Variants in GABRG3 observed in about 807,000 individuals in gnomAD.
GABRG3 encodes gamma-aminobutyric acid receptor subunit gamma-3.
In GABRG3, 25 loss-of-function variants were observed where a neutral mutation model predicts 48.8. The observed-to-expected ratio is 0.51, with a 90% CI of 0.37 to 0.72. The LOEUF is 0.72. Ranked by LOEUF, GABRG3 falls within the 30% of genes least tolerant of loss-of-function variation. The pLI is 0.00. For missense variants in GABRG3, 394 were observed against 577.9 expected (o/e 0.68, Z 3.26); for synonymous variants, 227 against 217.6 (o/e 1.04, Z -0.38).
rs531493501 is a variant in GABRG3 at position 27,434,170 on chromosome 15, G to A, written c.575-46480G>A. Among the ~76,000 whole-genome samples, 20 of 152,270 alleles carry A rather than the reference G, an allele frequency of 1.3e-4. No individual in the cohort carries two copies. The South Asian group carries it at 3.9e-3, about 30-fold the overall frequency. On this transcript the variant is annotated intron_variant, in intron 5 of 9. Coordinates refer to ENST00000615808, the MANE Select transcript of GABRG3 (RefSeq NM_033223.5). ...CTGGAGTGACACTATATTCACACAC[G>A]TTATAAGTGGCCCAGAATAATGCAC...
intron 3 of GABRG3, among the ~76,000 whole-genome samples, chr15:27,209,836 G>A (rs1301019646): frequency 1.3e-5 from 2 of 152,344 alleles, no homozygotes; most frequent in Admixed American, 1.3e-4. Flanking sequence ...CCAGGTTGGT[G>A]TCTTCTGAGA....
intron 5 of GABRG3, among the ~76,000 whole-genome samples, chr15:27,357,239 C>G (rs1293877104): frequency 6.6e-6 from 1 of 152,168 alleles, no homozygotes. Context: ...GCCAGTGGAA[C>G]CATTCCTAGT....
intron 5 of GABRG3, among the ~76,000 whole-genome samples, chr15:27,472,244 G>T (rs1266264284): frequency 6.6e-6 from 1 of 151,764 alleles, no homozygotes; most frequent in African/African-American, 2.4e-5. Flanking sequence ...ATTCCTTTCT[G>T]TCTTCTGGAT....
At chr15:27,402,666 C>A (rs1887508636) in intron 5 of GABRG3, among the ~76,000 whole-genome samples, 1 of 152,192 alleles carries the variant, frequency 6.6e-6, no homozygotes, top group African/African-American at 2.4e-5. Context: ...CTCCTAGTTA[C>A]CCAGAATGAA....
At chr15:27,263,919 C>CT (rs1185167030) in intron 3 of GABRG3, among the ~76,000 whole-genome samples, 3 of 86,088 alleles carry the variant, frequency 3.5e-5, no homozygotes, top group Non-Finnish European at 7.2e-5. Context: ...GAGCGAGACT[C>CT]TGTCAAAAAA....
In GABRG3 at chr15:27,533,479, A is replaced by G. The variant is rs1891478939; in HGVS notation, c.*598A>G. On this transcript the variant is annotated 3_prime_UTR_variant, in exon 10 of 10. Transcript: ENST00000615808. ...ATAACCTCGTTCTAGGCCTGGGGAGAGTACACTCGCATTGTCTACGGTTTC... is the reference window on the plus strand; with the variant it reads ...ATAACCTCGTTCTAGGCCTGGGGAGGGTACACTCGCATTGTCTACGGTTTC... The G allele has an allele frequency of 6.5e-6, 1 of 152,748 alleles. No individual in the cohort carries two copies. Among genetic ancestry groups the G allele is most frequent in the East Asian group, 1.9e-4 (1 of 5,198 alleles). The allele number at this position is 152,748 out of a possible 1,614,324, so 9.5% of individuals were successfully genotyped here. A position where few individuals can be genotyped will look rare whatever the true frequency, so the allele number is the denominator to read the frequency against.
rs534559674 is a variant in GABRG3 at position 27,536,399 on chromosome 15, A to G, written c.*3518A>G. 1.3e-5 allele frequency: 2 copies of G among 152,298 alleles called. No homozygotes were observed. The highest frequency in any genetic ancestry group is 4.1e-4 in the South Asian group (2 of 4,828). 9.4% of individuals were successfully genotyped at this position (152,298 alleles called of 1,614,324 possible). A position where few individuals can be genotyped will look rare whatever the true frequency, so the allele number is the denominator to read the frequency against. On this transcript the variant is annotated 3_prime_UTR_variant, in exon 10 of 10. Transcript: ENST00000615808. ...TAAAATGAAACAGAAAGCTCAAATA[A>G]TACACATCTTTTAAGATTTTCCATT...
At position 27,536,709 on chromosome 15, in the gene GABRG3, C is replaced by T. The variant is rs1423718113; in HGVS notation, c.*3828C>T. 6.6e-6 allele frequency: 1 copy of T among 152,128 alleles called. No homozygotes were observed. The highest frequency in any genetic ancestry group is 6.5e-5 in the Admixed American group (1 of 15,278). The allele number at this position is 152,128 out of a possible 1,614,324, so 9.4% of individuals were successfully genotyped here. ...GAAACTCCGCACCAAATCATTTTAC[C>T]TGGTGATAGCTTGCTGCAGTAAGTT... On this transcript the variant is annotated 3_prime_UTR_variant, in exon 10 of 10. Coordinates refer to ENST00000615808, the MANE Select transcript of GABRG3 (RefSeq NM_033223.5).
chr15:27,283,569 G>A (rs1423848863), intron 3 of GABRG3, among the ~76,000 whole-genome samples: 1 of 152,148 alleles, frequency 6.6e-6, no homozygotes, highest in Non-Finnish European at 1.5e-5. Context: ...GCACACAGTT[G>A]CACTCTAGCC....
intron 3 of GABRG3, among the ~76,000 whole-genome samples, chr15:27,192,630 A>G (rs1327795437): frequency 1.3e-5 from 2 of 152,194 alleles, no homozygotes; most frequent in East Asian, 3.9e-4. Flanking sequence ...ATTCGTCTAA[A>G]TTGTTTTCAA....
At chr15:27,372,255 A>G (rs1223405134) in intron 5 of GABRG3, among the ~76,000 whole-genome samples, 1 of 152,204 alleles carries the variant, frequency 6.6e-6, no homozygotes, top group East Asian at 1.9e-4. Flanking sequence ...GGGGCTAAAG[A>G]TAATACTTGT....
intron 3 of GABRG3, among the ~76,000 whole-genome samples, chr15:27,034,935 C>G (rs909028587): frequency 5.3e-5 from 8 of 152,170 alleles, no homozygotes; most frequent in African/African-American, 1.9e-4. Context: ...TCTTAGCTAA[C>G]ACTGTGTCCA....
At chr15:27,222,855 C>T (rs1889496012) in intron 3 of GABRG3, among the ~76,000 whole-genome samples, 1 of 152,224 alleles carries the variant, frequency 6.6e-6, no homozygotes. Flanking sequence ...GGCCCTGGAA[C>T]ACACAGAGTG....
intron 2 of GABRG3, among the ~76,000 whole-genome samples, chr15:27,004,752 T>C (rs1895549820): frequency 6.6e-6 from 1 of 152,256 alleles, no homozygotes; most frequent in Non-Finnish European, 1.5e-5. Flanking sequence ...ATTTTCATTA[T>C]GATAAACAAC....
intron 5 of GABRG3, among the ~76,000 whole-genome samples, chr15:27,443,133 G>T (rs974885823): frequency 6.6e-6 from 1 of 152,118 alleles, no homozygotes; most frequent in African/African-American, 2.4e-5. Flanking sequence ...GATGAGCGTG[G>T]GCCCTAATCC....
At chr15:27,003,868 T>A (rs1233298362) in intron 2 of GABRG3, among the ~76,000 whole-genome samples, 11 of 86,562 alleles carry the variant, frequency 1.3e-4, no homozygotes, top group South Asian at 1.2e-3. Flanking sequence ...CCCCCCCACC[T>A]CCCTCCCAGA....
intron 3 of GABRG3, among the ~76,000 whole-genome samples, chr15:27,219,350 C>T (rs550706172): frequency 2.9e-4 from 44 of 152,302 alleles, no homozygotes; most frequent in African/African-American, 1.1e-3. Context: ...CCAATTTGGG[C>T]TCAATCCCTC....
At chr15:27,226,668 A>G (rs894227651) in intron 3 of GABRG3, among the ~76,000 whole-genome samples, 1 of 152,162 alleles carries the variant, frequency 6.6e-6, no homozygotes, top group Admixed American at 6.5e-5. Context: ...GTTGGCTGCC[A>G]TTTTCAGCCA....
At chr15:27,019,313 C>A (rs932857072) in intron 2 of GABRG3, among the ~76,000 whole-genome samples, 12 of 151,796 alleles carry the variant, frequency 7.9e-5, no homozygotes, top group Admixed American at 3.3e-4. Flanking sequence ...CTCGTGATCC[C>A]CCCGCCTTGG....
Sources: allele counts gnomAD v4.1 joint callset (sites outside exome capture counted in the v4.1 genomes callset), GRCh38; gene constraint gnomAD v4.1.1; transcripts MANE v1.5; gene names NCBI Gene and HGNC (gene_info 2026-07-23, HGNC 2026-07-21).